Variants in SPATA22 observed in about 807,000 individuals in gnomAD.
The protein encoded by SPATA22 is spermatogenesis-associated protein 22.
Under a neutral mutation model 47.8 loss-of-function variants are expected in SPATA22, and 29 were observed. The observed-to-expected ratio is 0.61, with a 90% confidence interval of 0.45 to 0.83. SPATA22 has a LOEUF of 0.83. Among genes scored for constraint, SPATA22 ranks in the 40% least tolerant of loss-of-function variants. The pLI is 0.00. For synonymous variants in SPATA22, 133 were observed against 140.9 expected (o/e 0.94, Z 0.40); for missense variants, 410 against 421.7 (o/e 0.97, Z 0.24).
chr17:3,502,690 C>T (rs2150767479), intron 1 of SPATA22: 1 of 152,376 alleles, frequency 6.6e-6, no homozygotes, highest in South Asian at 2.1e-4. Flanking sequence ...GCCCACTGCT[C>T]TGCACTGACC....
intron 7 of SPATA22, among the ~76,000 whole-genome samples, chr17:3,443,834 G>A (rs1265690007): frequency 6.6e-6 from 1 of 150,594 alleles, no homozygotes; most frequent in African/African-American, 2.4e-5. Context: ...CATTTCTACA[G>A]TGAGCAAGTT....
intron 1 of SPATA22, among the ~76,000 whole-genome samples, chr17:3,477,615 G>A (rs2150743075): frequency 6.6e-6 from 1 of 151,986 alleles, no homozygotes; most frequent in African/African-American, 2.4e-5. Flanking sequence ...ACCATGTCCG[G>A]GTAATTTTTT....
chr17:3,479,043 AT>A (rs1567609897), intron 1 of SPATA22, among the ~76,000 whole-genome samples: 1 of 152,082 alleles, frequency 6.6e-6, no homozygotes, highest in East Asian at 1.9e-4. Context: ...CCTGTCATCT[AT>A]TTTCCATCTG....
rs1485145792 is a variant in SPATA22 at position 3,462,727 on chromosome 17, T to C, written c.213A>G (p.Val71=). 1.2e-6 allele frequency: 2 copies of C among 1,613,648 alleles called. No individual in the cohort carries two copies. Among genetic ancestry groups the C allele is most frequent in the South Asian group, 2.2e-5 (2 of 91,056 alleles). ...WEAVNPELAP[V]MKTVDTGQIP... ...CATACCCGGTGTCCACTGTTTTCAT[T>C]ACAGGAGCCAACTCTGGATTCACAG... The change falls in exon 4 of 9, where the codon GTA becomes GTG. Residue 71 remains valine, a synonymous_variant. Coordinates refer to ENST00000572969, the MANE Select transcript of SPATA22 (RefSeq NM_001170698.2).
rs775363425 is a variant in SPATA22, at chr17:3,449,127, T to C, written c.352A>G (p.Thr118Ala). Reference sequence around the variant, plus strand: ...TTTTTATTCCAAGTTTTCAAGCTGGTATTTTTGTTACCATCTCTGTAGCTG... The same window carrying C: ...TTTTTATTCCAAGTTTTCAAGCTGGCATTTTTGTTACCATCTCTGTAGCTG... ...GWSYRDGNKNTSLKTWNKNDF... is the reference protein window; with the variant it reads ...GWSYRDGNKNASLKTWNKNDF... The change falls in exon 6 of 9, where the codon ACC becomes GCC. Residue 118 changes from threonine (T) to alanine (A), a missense_variant. By Grantham distance (58) the Thr-to-Ala change is moderately conservative. Transcript: ENST00000572969. 2.1e-5 allele frequency: 34 copies of C among 1,606,882 alleles called. No individual in the cohort carries two copies. In the East Asian group the frequency reaches 6.7e-4, roughly 32 times the overall value.
At chr17:3,440,958 C>G (rs1051739925) in intron 8 of SPATA22, 4 of 151,876 alleles carry the variant, frequency 2.6e-5, no homozygotes, top group African/African-American at 9.7e-5. Context: ...CTTAGGCGTC[C>G]AAGGAAAAGA....
upstream of SPATA22, chr17:3,471,869 C>T (rs2073446668): frequency 2.0e-6 from 2 of 985,520 alleles, no homozygotes; most frequent in South Asian, 4.7e-5. Context: ...GCCGCCACCT[C>T]GGCGCGATGG....
rs2072569673 is a variant in SPATA22 at position 3,440,323 on chromosome 17, T to C, written c.916A>G (p.Arg306Gly). 6.6e-7 allele frequency: 1 copy of C among 1,521,968 alleles called. No individual in the cohort carries two copies. The highest frequency in any genetic ancestry group is 1.3e-5 in the South Asian group (1 of 77,346). 94.3% of individuals were successfully genotyped at this position (1,521,968 alleles called of 1,614,324 possible). Residue 306 changes from arginine to glycine, a missense_variant, in exon 9 of 9, where the codon AGA (arginine) becomes GGA (glycine). By Grantham distance (125) the Arg-to-Gly change is moderately radical. Coordinates refer to ENST00000572969, the MANE Select transcript of SPATA22 (RefSeq NM_001170698.2). ...VFYEIDRELP[R>G]LIRGRVHRCV... is the part of the protein sequence containing the mutation. ...CTATGAACTCGGCCTCTAATCAGTC[T>C]CGGAAGTTCACGATCCTGTTTTTCA...
intron 5 of SPATA22, among the ~76,000 whole-genome samples, chr17:3,457,736 C>A (rs1446071140): frequency 6.6e-6 from 1 of 152,016 alleles, no homozygotes; most frequent in East Asian, 1.9e-4. Context: ...AAAGTCTCTG[C>A]CATAAATAGT....
At position 3,450,472 on chromosome 17, in the gene SPATA22, T is replaced by C. The variant is rs115728028; in HGVS notation, c.330-1323A>G. Among the ~76,000 whole-genome samples, 410 of 152,288 alleles carry C rather than the reference T, an allele frequency of 2.7e-3. 2 individuals carry two copies. The highest frequency in any genetic ancestry group is 9.4e-3 in the African/African-American group (390 of 41,554). Reference sequence around the variant, plus strand: ...ATAAATTAACTGCCTGATACTCCTTTATAGAAATTTTTTCCTACACTGATC... The same window carrying C: ...ATAAATTAACTGCCTGATACTCCTTCATAGAAATTTTTTCCTACACTGATC... On this transcript the variant is annotated intron_variant, in intron 5 of 8. Coordinates refer to ENST00000572969, the MANE Select transcript of SPATA22 (RefSeq NM_001170698.2).
At position 3,498,981 on chromosome 17, in the gene SPATA22, T is replaced by C. The variant is rs145717248; in HGVS notation, c.-74+14431A>G. The C allele has an allele frequency of 1.9e-6, 3 of 1,614,116 alleles. No homozygotes were observed. In the African/African-American group the frequency reaches 4.0e-5, roughly 22 times the overall value. On this transcript the variant is annotated intron_variant, in intron 1 of 8. Coordinates refer to the SPATA22 transcript ENST00000541913. ...CCCACTGGGCGGAGACTGTACCGTG[T>C]ACCCCGTGTTTGTGAATGAGGCCGC...
At chr17:3,495,417 A>T (rs12941620) in intron 1 of SPATA22, among the ~76,000 whole-genome samples, 35,119 of 152,088 alleles carry the variant, frequency 0.23, 4,252 homozygotes, top group Middle Eastern at 0.33. Context: ...CTGTTTAGTG[A>T]CTCTAATAGT....
chr17:3,480,572 G>T (rs979731650), intron 1 of SPATA22, among the ~76,000 whole-genome samples: 1 of 152,182 alleles, frequency 6.6e-6, no homozygotes, highest in African/African-American at 2.4e-5. Context: ...CCTGATCTTA[G>T]GTTTTACAAT....
At chr17:3,443,756 C>T in intron 7 of SPATA22, among the ~76,000 whole-genome samples, 1 of 151,972 alleles carries the variant, frequency 6.6e-6, no homozygotes, top group Middle Eastern at 3.4e-3. Flanking sequence ...TTATTATATA[C>T]ATTTAAGGTA....
intron 1 of SPATA22, among the ~76,000 whole-genome samples, chr17:3,484,293 G>A (rs1426313751): frequency 1.3e-5 from 2 of 152,144 alleles, no homozygotes; most frequent in African/African-American, 2.4e-5. Flanking sequence ...CCTGTGCTAG[G>A]TGCGGGGGAC....
intron 5 of SPATA22, among the ~76,000 whole-genome samples, chr17:3,450,487 C>A (rs2072832312): frequency 6.6e-6 from 1 of 152,062 alleles, no homozygotes; most frequent in Non-Finnish European, 1.5e-5. Context: ...AAATTTTTTC[C>A]TACACTGATC....
intron 3 of SPATA22, among the ~76,000 whole-genome samples, chr17:3,467,126 T>A (rs2073332088): frequency 6.6e-6 from 1 of 152,212 alleles, no homozygotes; most frequent in African/African-American, 2.4e-5. Flanking sequence ...GTATAGGCTA[T>A]AACACAATAT....
At chr17:3,493,560 CAAAAAAAAAA>C (rs746229421) in intron 1 of SPATA22, among the ~76,000 whole-genome samples, 11 of 56,384 alleles carry the variant, frequency 2.0e-4, no homozygotes, top group East Asian at 1.1e-3. Context: ...GGTTCCATCT[CAAAAAAAAAA>C]AAAAAAAAAA....
At position 3,440,330 on chromosome 17, in the gene SPATA22, T is replaced by C. The variant is rs1409654018; in HGVS notation, c.909A>G (p.Glu303=). Residue 303 remains glutamate, a synonymous_variant, in exon 9 of 9, where the codon GAA becomes GAG. Transcript: ENST00000572969. ...CTCGGCCTCTAATCAGTCTCGGAAGTTCACGATCCTGTTTTTCAAAAAATA... is the reference window on the plus strand; with the variant it reads ...CTCGGCCTCTAATCAGTCTCGGAAGCTCACGATCCTGTTTTTCAAAAAATA... ...LPCVFYEIDR[E]LPRLIRGRVH... 3 of 1,497,286 alleles carry C rather than the reference T, an allele frequency of 2.0e-6. No individual in the cohort carries two copies. Among genetic ancestry groups the C allele is most frequent in the East Asian group, 4.9e-5 (2 of 40,690 alleles). 92.8% of individuals were successfully genotyped at this position (1,497,286 alleles called of 1,614,324 possible).
Sources: allele counts gnomAD v4.1 joint callset (sites outside exome capture counted in the v4.1 genomes callset), GRCh38; gene constraint gnomAD v4.1.1; transcripts MANE v1.5; gene names NCBI Gene and HGNC (gene_info 2026-07-23, HGNC 2026-07-21).